Variants in RHAG observed in about 807,000 individuals in gnomAD.
RHAG encodes the protein ammonium transporter Rh type A.
Under a neutral mutation model 42.4 loss-of-function variants are expected in RHAG, and 25 were observed. That is an observed-to-expected ratio of 0.59 (90% CI 0.43 to 0.82). RHAG has a LOEUF of 0.82. Among genes scored for constraint, RHAG ranks in the 40% least tolerant of loss-of-function variants. The pLI is 0.00. For missense variants in RHAG, 483 were observed against 504.6 expected (o/e 0.96, Z 0.41); for synonymous variants, 182 against 177.7 (o/e 1.02, Z -0.19).
At chr6:49,610,880 C>T (rs1762559943) in intron 7 of RHAG, 144 bp downstream of exon 7, 6 of 881,648 alleles carry the variant, frequency 6.8e-6, no homozygotes, top group African/African-American at 3.4e-5. Flanking sequence ...TTCTAATGAT[C>T]TTCTCTCAGG....
chr6:49,608,844 G>C (rs999234512), intron 7 of RHAG, among the ~76,000 whole-genome samples: 3 of 152,072 alleles, frequency 2.0e-5, no homozygotes, highest in Admixed American at 6.6e-5. Flanking sequence ...CTTTGATTAT[G>C]AGTGAAGTTG....
At chr6:49,611,625 G>T (rs948226566) in intron 6 of RHAG, among the ~76,000 whole-genome samples, 3 of 152,066 alleles carry the variant, frequency 2.0e-5, no homozygotes, top group African/African-American at 7.2e-5. Context: ...AAAGTTAAAG[G>T]ATTTGAATAT....
At chr6:49,614,971 G>T (rs566900581) in intron 4 of RHAG, 118 bp from the exon 5 acceptor site, 2 of 993,202 alleles carry the variant, frequency 2.0e-6, no homozygotes, top group Non-Finnish European at 3.0e-6. Flanking sequence ...TTTTTGAGAT[G>T]GAGTGTCCCT....
chr6:49,618,790 A>C (rs1762699958), intron 2 of RHAG, among the ~76,000 whole-genome samples: 1 of 152,242 alleles, frequency 6.6e-6, no homozygotes, highest in South Asian at 2.1e-4. Flanking sequence ...GAAATGGCTG[A>C]TAAATAAAGA....
intron 9 of RHAG, 120 bp downstream of exon 9, chr6:49,606,728 C>A: frequency 1.3e-6 from 1 of 761,896 alleles, no homozygotes; most frequent in South Asian, 1.5e-5. Flanking sequence ...GAGCTACCTA[C>A]CATGCCAGGC....
At chr6:49,608,730 A>AT (rs1762517026) in intron 7 of RHAG, among the ~76,000 whole-genome samples, 1 of 152,018 alleles carries the variant, frequency 6.6e-6, no homozygotes, top group Non-Finnish European at 1.5e-5. Context: ...TTATATTCCA[A>AT]TTTTTTACTT....
chr6:49,614,677 C>T lies in RHAG; in HGVS notation c.807+10G>A, dbSNP rs774766328. ...AGCAAAATTTCCATGAGGGCTAAGG[C>T]GGCACTTACCATGTTGAGCTTGCCT... On this transcript the variant is annotated intron_variant, in intron 5 of 9. Coordinates refer to ENST00000371175, the MANE Select transcript of RHAG (RefSeq NM_000324.3). The T allele has an allele frequency of 3.3e-5, 53 of 1,612,958 alleles. No individual in the cohort carries two copies. The highest frequency in any genetic ancestry group is 1.9e-4 in the Middle Eastern group (1 of 5,302).
At chr6:49,612,280 G>C in intron 6 of RHAG, 117 bp downstream of exon 6, 3 of 1,138,174 alleles carry the variant, frequency 2.6e-6, no homozygotes, top group Admixed American at 1.8e-5. Flanking sequence ...GAAGGCAAAT[G>C]GTCTCCAAAT....
At chr6:49,612,972 TAG>T (rs1357665077) in intron 5 of RHAG, among the ~76,000 whole-genome samples, 4 of 152,272 alleles carry the variant, frequency 2.6e-5, no homozygotes, top group Middle Eastern at 3.4e-3. Flanking sequence ...AGAGGAAATG[TAG>T]AGACATTGAA....
intron 1 of RHAG, among the ~76,000 whole-genome samples, chr6:49,624,023 A>G (rs2127355778): frequency 6.6e-6 from 1 of 152,140 alleles, no homozygotes; most frequent in East Asian, 1.9e-4. Context: ...ATAGCAACTC[A>G]GTGTTTTTAT....
intron 3 of RHAG, among the ~76,000 whole-genome samples, chr6:49,616,980 G>T (rs755831440): frequency 2.0e-5 from 3 of 152,128 alleles, no homozygotes; most frequent in Non-Finnish European, 4.4e-5. Flanking sequence ...TCACATATTT[G>T]CAGGCAAAAT....
chr6:49,605,867 A>G (rs1454483099), intron 9 of RHAG, 37 bp from the exon 10 acceptor site: 9 of 1,559,960 alleles, frequency 5.8e-6, no homozygotes, highest in Middle Eastern at 1.7e-4. Context: ...TTAATAGTTT[A>G]TTTCACTGTT....
In RHAG at chr6:49,614,764, A is replaced by G; in HGVS notation, c.730T>C (p.Tyr244His). 6.2e-7 allele frequency: 1 copy of G among 1,614,126 alleles called. No homozygotes were observed. The highest frequency in any genetic ancestry group is 8.5e-7 in the Non-Finnish European group (1 of 1,180,032). The change falls in exon 5 of 10, where the codon TAC becomes CAC. Residue 244 changes from tyrosine to histidine, a missense_variant. Tyr to His is a moderately conservative substitution (Grantham distance 83). Transcript: ENST00000371175. ...DKQCRAIVNT[Y>H]FSLAACVLTA... ...AGCACACAGGCAGCGAGAGAGAAGT[A>G]CGTGTTTACAATGGCCCTGCACTGT...
chr6:49,605,892 G>A lies in RHAG; in HGVS notation c.1213-62C>T, dbSNP rs1774154571. 2.3e-6 allele frequency: 3 copies of A among 1,307,030 alleles called. No individual in the cohort carries two copies. The East Asian group carries it at 6.9e-5, about 30-fold the overall frequency. The allele number at this position is 1,307,030 out of a possible 1,614,324, so 81.0% of individuals were successfully genotyped here. A position where few individuals can be genotyped will look rare whatever the true frequency, so the allele number is the denominator to read the frequency against. ...ATTTCACTGTTCTTGTCAGAAATTA[G>A]TATTGAAACAAAAATATTTTTGGTA... On this transcript the variant is annotated intron_variant, in intron 9 of 9. Transcript: ENST00000371175.
At chr6:49,611,521 T>C (rs929116674) in intron 6 of RHAG, among the ~76,000 whole-genome samples, 13 of 152,174 alleles carry the variant, frequency 8.5e-5, no homozygotes, top group Admixed American at 3.9e-4. Flanking sequence ...TCCTGCTACT[T>C]TGCATTCTCT....
At chr6:49,634,974 GTGTGTT>G (rs1382759295) in intron 1 of RHAG, among the ~76,000 whole-genome samples, 8 of 89,792 alleles carry the variant, frequency 8.9e-5, no homozygotes, top group Middle Eastern at 4.5e-3. Flanking sequence ...GTGTGTGTGT[GTGTGTT>G]TGTGTATACC....
intron 1 of RHAG, among the ~76,000 whole-genome samples, chr6:49,631,665 C>T (rs929650242): frequency 3.9e-5 from 6 of 152,106 alleles, no homozygotes; most frequent in Admixed American, 1.3e-4. Flanking sequence ...CCAATGAGTC[C>T]CTGAGTGGGG....
At chr6:49,619,574 T>C (rs1762718800) in intron 1 of RHAG, among the ~76,000 whole-genome samples, 1 of 152,160 alleles carries the variant, frequency 6.6e-6, no homozygotes, top group Non-Finnish European at 1.5e-5. Flanking sequence ...TTGGAGCTTT[T>C]TATTGGGAAG....
At chr6:49,628,439 G>A (rs1268119585) in intron 1 of RHAG, among the ~76,000 whole-genome samples, 2 of 152,122 alleles carry the variant, frequency 1.3e-5, no homozygotes, top group Non-Finnish European at 1.5e-5. Flanking sequence ...GTGGGTTCTT[G>A]GTCTCACTGA....
Sources: allele counts gnomAD v4.1 joint callset (sites outside exome capture counted in the v4.1 genomes callset), GRCh38; gene constraint gnomAD v4.1.1; transcripts MANE v1.5; gene names NCBI Gene and HGNC (gene_info 2026-07-23, HGNC 2026-07-21).